PIP4K2A: variants seen among roughly 807,000 people sequenced by gnomAD.
PIP4K2A encodes the protein phosphatidylinositol 5-phosphate 4-kinase type-2 alpha.
A neutral mutation model predicts 42.9 loss-of-function variants in PIP4K2A; 14 were observed. The ratio of observed to expected loss-of-function variants is 0.33; its 90% confidence interval spans 0.22 to 0.51. PIP4K2A has a LOEUF of 0.51. Ranked by LOEUF, PIP4K2A falls within the 20% of genes least tolerant of loss-of-function variation. The pLI is 0.97. For missense variants in PIP4K2A, 434 were observed against 519.8 expected, an observed-to-expected ratio of 0.83 and a Z score of 1.61; for synonymous variants, 192 against 192.2, an observed-to-expected ratio of 1.00 and a Z score of 0.01.
intron 7 of PIP4K2A, 33 bp from the exon 8 acceptor site, chr10:22,542,080 C>A: frequency 6.4e-7 from 1 of 1,557,998 alleles, no homozygotes; most frequent in South Asian, 1.2e-5. Flanking sequence ...GAGTCAGCCA[C>A]ACCTTAAACA....
At chr10:22,660,510 AT>A (rs11407504) in intron 1 of PIP4K2A, among the ~76,000 whole-genome samples, 1 of 150,174 alleles carries the variant, frequency 6.7e-6, no homozygotes, top group Non-Finnish European at 1.5e-5. Context: ...TGAATCCTGA[AT>A]TTTTTTTTTC....
At chr10:22,581,948 C>CA (rs530781192) in intron 4 of PIP4K2A, among the ~76,000 whole-genome samples, 91 of 150,028 alleles carry the variant, frequency 6.1e-4, no homozygotes, top group South Asian at 2.9e-3. Flanking sequence ...CCCATCTCTA[C>CA]AAAAAAAAAT....
chr10:22,609,482 G>T lies in PIP4K2A; in HGVS notation c.242+138C>A. The T allele has an allele frequency of 7.7e-6, 5 of 647,400 alleles. 1 individual carries two copies. Among genetic ancestry groups the T allele is most frequent in the Non-Finnish European group, 1.4e-5 (5 of 363,488 alleles). 40.1% of individuals were successfully genotyped at this position (647,400 alleles called of 1,614,324 possible). A position where few individuals can be genotyped will look rare whatever the true frequency, so the allele number is the denominator to read the frequency against. The stretch of plus-strand genomic sequence containing the variant: ...GTTGCTTCTCTAAAAATGACAGATG[G>T]TTATGTTTATCACAGGATTAACTTC... On this transcript the variant is annotated intron_variant, in intron 2 of 9. Transcript: ENST00000376573.
intron 4 of PIP4K2A, among the ~76,000 whole-genome samples, chr10:22,589,755 CT>C (rs1257709043): frequency 2.0e-5 from 3 of 152,178 alleles, no homozygotes; most frequent in African/African-American, 7.2e-5. Flanking sequence ...GAAGCAGATA[CT>C]TAGTAAGTGT....
chr10:22,630,931 T>A (rs1838534024), intron 1 of PIP4K2A, among the ~76,000 whole-genome samples: 1 of 152,110 alleles, frequency 6.6e-6, no homozygotes, highest in Middle Eastern at 3.2e-3. Context: ...CTCTTATTCT[T>A]CTTACAAGAC....
At chr10:22,574,116 G>A (rs1019060513) in intron 4 of PIP4K2A, among the ~76,000 whole-genome samples, 3 of 151,992 alleles carry the variant, frequency 2.0e-5, no homozygotes, top group South Asian at 2.1e-4. Context: ...AACACAACAC[G>A]ACCTTGGCTG....
Position 22,557,687 on chromosome 10 carries a change from G to C in PIP4K2A, c.679-6915C>G, listed in dbSNP as rs376089145. On this transcript the variant is annotated intron_variant, in intron 6 of 9. Coordinates refer to ENST00000376573, the MANE Select transcript of PIP4K2A (RefSeq NM_005028.5). ...TAAAAATCACAAATTTCAAACTATA[G>C]TTTGAAACATTAAACAGAATTCAAA... 5.9e-5 allele frequency among the ~76,000 whole-genome samples: 9 copies of C among 152,210 alleles called. No homozygotes were observed. The East Asian group carries it at 1.7e-3, about 29-fold the overall frequency.
At chr10:22,604,694 C>T (rs1047867032) in intron 3 of PIP4K2A, among the ~76,000 whole-genome samples, 3 of 152,196 alleles carry the variant, frequency 2.0e-5, no homozygotes, top group African/African-American at 7.2e-5. Context: ...TATACGCAGT[C>T]TTCAGCAGCC....
chr10:22,572,157 A>C (rs72816807), intron 5 of PIP4K2A, among the ~76,000 whole-genome samples: 1,776 of 152,342 alleles, frequency 0.012, 25 homozygotes, highest in Middle Eastern at 0.065. Flanking sequence ...CAGAGACCAG[A>C]GTTTGGCAAA....
At chr10:22,558,077 T>C (rs533133145) in intron 6 of PIP4K2A, among the ~76,000 whole-genome samples, 29 of 152,236 alleles carry the variant, frequency 1.9e-4, no homozygotes, top group East Asian at 7.7e-4. Flanking sequence ...TTAAGTCTAA[T>C]TGTAAGCCTC....
At chr10:22,604,917 G>A (rs1433694904) in intron 3 of PIP4K2A, among the ~76,000 whole-genome samples, 4 of 152,270 alleles carry the variant, frequency 2.6e-5, no homozygotes, top group African/African-American at 9.6e-5. Context: ...GCCCCTGCCC[G>A]CCTGCCGCCT....
intron 6 of PIP4K2A, among the ~76,000 whole-genome samples, chr10:22,554,124 T>C (rs549620854): frequency 3.3e-5 from 5 of 152,026 alleles, no homozygotes; most frequent in East Asian, 1.9e-4. Context: ...CTGGGTGACA[T>C]AGTAAGACCC....
At chr10:22,664,046 T>C (rs150275034) in intron 1 of PIP4K2A, among the ~76,000 whole-genome samples, 2,295 of 91,384 alleles carry the variant, frequency 0.025, 93 homozygotes, top group East Asian at 0.077. Context: ...TATATATATA[T>C]ACATATGTAT....
At position 22,660,276 on chromosome 10, in the gene PIP4K2A, G is replaced by A. The variant is rs760879086; in HGVS notation, c.145-50559C>T. ...GCCTGAGCTCAGGAATTCGAGACCA[G>A]CCTGGGCAACATGGTCAAACCCCAT... On this transcript the variant is annotated intron_variant, in intron 1 of 9. Coordinates refer to ENST00000376573, the MANE Select transcript of PIP4K2A (RefSeq NM_005028.5). Among the ~76,000 whole-genome samples, 6 of 152,134 alleles carry A rather than the reference G, an allele frequency of 3.9e-5. No homozygotes were observed. In the East Asian group the frequency reaches 9.6e-4, roughly 24 times the overall value.
At chr10:22,714,041 G>A in intron 1 of PIP4K2A, 142 bp downstream of exon 1, 1 of 832,818 alleles carries the variant, frequency 1.2e-6, no homozygotes, top group East Asian at 2.9e-5. Flanking sequence ...GCGGGGCTGG[G>A]GGCTTCGAGG....
At chr10:22,683,835 TCACACACACA>T (rs138327782) in intron 1 of PIP4K2A, among the ~76,000 whole-genome samples, 18 of 139,398 alleles carry the variant, frequency 1.3e-4, no homozygotes, top group East Asian at 2.1e-4. Context: ...ACCAAGCAGT[TCACACACACA>T]CACACACACA....
At chr10:22,540,645 C>A (rs45447796) in intron 8 of PIP4K2A, among the ~76,000 whole-genome samples, 15 of 152,136 alleles carry the variant, frequency 9.9e-5, no homozygotes, top group Non-Finnish European at 1.6e-4. Context: ...GCAACCTCCA[C>A]CTCCCGAGTT....
intron 4 of PIP4K2A, among the ~76,000 whole-genome samples, chr10:22,584,228 TGA>T (rs1837341466): frequency 6.6e-6 from 1 of 151,864 alleles, no homozygotes; most frequent in Non-Finnish European, 1.5e-5. Flanking sequence ...ATTTCAGAGA[TGA>T]GCATAAATCA....
intron 1 of PIP4K2A, among the ~76,000 whole-genome samples, chr10:22,688,388 T>C (rs960097285): frequency 6.6e-6 from 1 of 152,200 alleles, no homozygotes; most frequent in East Asian, 1.9e-4. Context: ...AGAATTTCCT[T>C]ACGTGGTTCT....
Sources: gnomAD v4.1 joint callset for allele counts (sites outside exome capture counted in the v4.1 genomes callset) on GRCh38, gnomAD v4.1.1 for gene constraint, MANE v1.5 for transcripts, NCBI Gene and HGNC (gene_info 2026-07-23, HGNC 2026-07-21) for gene names.